MARCHF6: variants seen among roughly 807,000 people sequenced by gnomAD.
MARCHF6 encodes the protein E3 ubiquitin-protein ligase MARCHF6.
In MARCHF6, 31 loss-of-function variants were observed where a neutral mutation model predicts 133.7. The observed-to-expected ratio is 0.23, with a 90% confidence interval of 0.17 to 0.31. The LOEUF is 0.31. Ranked by LOEUF, MARCHF6 falls within the 10% of genes least tolerant of loss-of-function variation. The probability of loss-of-function intolerance (pLI) is 1.00; values close to 1 mark genes in which losing one functional copy is unlikely to be tolerated. For missense variants in MARCHF6, 723 were observed against 1,121.6 expected (o/e 0.64, Z 5.08); for synonymous variants, 395 against 402.5 (o/e 0.98, Z 0.22).
At chr5:10,426,736 C>T (rs1480109625) in intron 24 of MARCHF6, among the ~76,000 whole-genome samples, 6 of 152,184 alleles carry the variant, frequency 3.9e-5, no homozygotes, top group Admixed American at 2.0e-4. Context: ...GTTCTTTTCT[C>T]TACCAGAAGA....
chr5:10,364,755 C>G (rs931617637), intron 1 of MARCHF6, among the ~76,000 whole-genome samples: 1 of 152,156 alleles, frequency 6.6e-6, no homozygotes, highest in Admixed American at 6.5e-5. Context: ...GCTGCAACTG[C>G]TGGTTTTTAG....
intron 1 of MARCHF6, among the ~76,000 whole-genome samples, chr5:10,376,096 G>A (rs1243529841): frequency 1.3e-5 from 2 of 152,146 alleles, no homozygotes; most frequent in South Asian, 2.1e-4. Context: ...GCAGGCTGCC[G>A]GAGCCAGCAG....
rs970618658 is a variant in MARCHF6, at chr5:10,355,117, A to G, written c.19+1200A>G. On this transcript the variant is annotated intron_variant, in intron 1 of 25. Coordinates refer to ENST00000274140, the MANE Select transcript of MARCHF6 (RefSeq NM_005885.4). ...TAGCTTGTCGAAGCTTTACACAGGT[A>G]GTAAGAGGCAGATTTGAACCTAGGC... Among the ~76,000 whole-genome samples the G allele has an allele frequency of 5.3e-5, 8 of 152,354 alleles. 1 individual carries two copies. The highest frequency in any genetic ancestry group is 4.6e-4 in the Admixed American group (7 of 15,302).
At chr5:10,433,010 C>T (rs1274880694) in intron 25 of MARCHF6, among the ~76,000 whole-genome samples, 1 of 149,398 alleles carries the variant, frequency 6.7e-6, no homozygotes, top group East Asian at 2.0e-4. Flanking sequence ...TTCAGCAGTT[C>T]TTCTGCCTCA....
chr5:10,411,972 C>A (rs771825499), intron 19 of MARCHF6, among the ~76,000 whole-genome samples: 1 of 152,168 alleles, frequency 6.6e-6, no homozygotes. Flanking sequence ...AGTGATCAAT[C>A]TTTGTGCACC....
In MARCHF6 at chr5:10,390,316, C is replaced by T; in HGVS notation, c.408-16C>T. 3 of 1,433,040 alleles carry T rather than the reference C, an allele frequency of 2.1e-6. No individual in the cohort carries two copies. The highest frequency in any genetic ancestry group is 5.1e-5 in the East Asian group (2 of 39,304). The allele number at this position is 1,433,040 out of a possible 1,614,324, so 88.8% of individuals were successfully genotyped here. On this transcript the variant is annotated splice_polypyrimidine_tract_variant and intron_variant, in intron 5 of 25. Coordinates refer to ENST00000274140, the MANE Select transcript of MARCHF6 (RefSeq NM_005885.4). The stretch of plus-strand genomic sequence containing the variant: ...GTCTTCTTTGGAGTAATTATATGTA[C>T]TTTTTTTTTTAATAGGGAAAATTTG...
intron 7 of MARCHF6, among the ~76,000 whole-genome samples, chr5:10,393,553 T>C (rs904445141): frequency 6.6e-6 from 1 of 152,214 alleles, no homozygotes; most frequent in Non-Finnish European, 1.5e-5. Context: ...GTTATTTCTC[T>C]CTCTTGATCT....
intron 1 of MARCHF6, among the ~76,000 whole-genome samples, chr5:10,355,074 T>A (rs1250290131): frequency 6.6e-6 from 1 of 152,236 alleles, no homozygotes; most frequent in Non-Finnish European, 1.5e-5. Context: ...TGTGGAAATG[T>A]AGGCTTCGTT....
At position 10,387,137 on chromosome 5, in the gene MARCHF6, T is replaced by C. The variant is rs1579560596; in HGVS notation, c.407+71T>C. On this transcript the variant is annotated intron_variant, in intron 5 of 25. Coordinates refer to ENST00000274140, the MANE Select transcript of MARCHF6 (RefSeq NM_005885.4). ...GCTTGCTTTTTTCCTTGCATATTTA[T>C]TTTATTATAATTTGTAAATTCTTTT... 9.8e-6 allele frequency: 11 copies of C among 1,126,192 alleles called. No individual in the cohort carries two copies. The East Asian group carries it at 2.7e-4, about 28-fold the overall frequency. 69.8% of individuals were successfully genotyped at this position (1,126,192 alleles called of 1,614,324 possible).
At chr5:10,356,768 C>T (rs934280421) in intron 1 of MARCHF6, among the ~76,000 whole-genome samples, 4 of 152,050 alleles carry the variant, frequency 2.6e-5, no homozygotes, top group Non-Finnish European at 4.4e-5. Context: ...ACACATCAAC[C>T]GTGCGTATAG....
intron 1 of MARCHF6, among the ~76,000 whole-genome samples, chr5:10,366,794 A>G (rs965148153): frequency 5.9e-5 from 9 of 152,118 alleles, no homozygotes; most frequent in Admixed American, 5.9e-4. Flanking sequence ...ACCTAATCAC[A>G]AGAAACTGAG....
intron 1 of MARCHF6, among the ~76,000 whole-genome samples, chr5:10,367,375 G>A (rs1736198388): frequency 1.3e-5 from 2 of 152,136 alleles, no homozygotes; most frequent in South Asian, 2.1e-4. Flanking sequence ...TGTGTGCTGG[G>A]TATATGGGAA....
In MARCHF6 at chr5:10,436,744, C is replaced by G. The variant is rs1357005931; in HGVS notation, c.*3060C>G. On this transcript the variant is annotated 3_prime_UTR_variant, in exon 26 of 26. Transcript: ENST00000274140. ...TGAGATGAAAACTGAAGAAAAATGCCAATGTGACGTTTGTGTATAGCTAGC... is the reference window on the plus strand; with the variant it reads ...TGAGATGAAAACTGAAGAAAAATGCGAATGTGACGTTTGTGTATAGCTAGC... The G allele has an allele frequency of 6.6e-6, 1 of 152,082 alleles. No individual in the cohort carries two copies. Among genetic ancestry groups the G allele is most frequent in the Non-Finnish European group, 1.5e-5 (1 of 68,020 alleles). The allele number at this position is 152,082 out of a possible 1,614,324, so 9.4% of individuals were successfully genotyped here.
At chr5:10,373,304 A>G (rs943654121) in intron 1 of MARCHF6, among the ~76,000 whole-genome samples, 3 of 152,082 alleles carry the variant, frequency 2.0e-5, no homozygotes, top group Non-Finnish European at 4.4e-5. Flanking sequence ...GTGTGTGTCT[A>G]CATCCTTCTA....
chr5:10,433,531 C>A, intron 25 of MARCHF6, 63 bp from the exon 26 acceptor site: 1 of 1,228,156 alleles, frequency 8.1e-7, no homozygotes, highest in Non-Finnish European at 1.2e-6. Context: ...TTTAAAAAGA[C>A]ATATGAATGT....
rs573207149 is a variant in MARCHF6 at position 10,436,753 on chromosome 5, G to A, written c.*3069G>A. On this transcript the variant is annotated 3_prime_UTR_variant, in exon 26 of 26. Transcript: ENST00000274140. ...AACTGAAGAAAAATGCCAATGTGAC[G>A]TTTGTGTATAGCTAGCCTTAAAAAA... 57 of 152,220 alleles carry A rather than the reference G, an allele frequency of 3.7e-4. No individual in the cohort carries two copies. Among genetic ancestry groups the A allele is most frequent in the African/African-American group, 1.3e-3 (53 of 41,542 alleles). 9.4% of individuals were successfully genotyped at this position (152,220 alleles called of 1,614,324 possible).
rs1054197891 is a variant in MARCHF6 at position 10,353,757 on chromosome 5, C to T, written c.-142C>T. The T allele has an allele frequency of 1.2e-5, 8 of 669,760 alleles. No homozygotes were observed. The highest frequency in any genetic ancestry group is 2.1e-5 in the Non-Finnish European group (8 of 385,436). 41.5% of individuals were successfully genotyped at this position (669,760 alleles called of 1,614,324 possible). A position where few individuals can be genotyped will look rare whatever the true frequency, so the allele number is the denominator to read the frequency against. ...GTCAGCCTCTCTCCCTCTCCCTCTC[C>T]CCTCTCCTTCCTCTCGCTTCCTCTC... On this transcript the variant is annotated 5_prime_UTR_variant, in exon 1 of 26. Transcript: ENST00000274140.
At position 10,438,636 on chromosome 5, in the gene MARCHF6, T is replaced by A. The variant is rs1290714675; in HGVS notation, c.*4952T>A. 6.6e-6 allele frequency: 1 copy of A among 152,248 alleles called. No homozygotes were observed. The highest frequency in any genetic ancestry group is 1.9e-4 in the East Asian group (1 of 5,204). 9.4% of individuals were successfully genotyped at this position (152,248 alleles called of 1,614,324 possible). A position where few individuals can be genotyped will look rare whatever the true frequency, so the allele number is the denominator to read the frequency against. On this transcript the variant is annotated 3_prime_UTR_variant, in exon 26 of 26. Transcript: ENST00000274140. ...TCCTCCATGTTTTTATTTTGGTGTC[T>A]GTTTTGTTTCTAGCACTGTATTTAG...
intron 22 of MARCHF6, chr5:10,422,152 AAG>A (rs931506708): frequency 6.6e-5 from 10 of 152,362 alleles, no homozygotes; most frequent in Admixed American, 6.5e-4. Context: ...GTAGTGAAAA[AAG>A]ATGTGGACAG....
Sources: allele counts gnomAD v4.1 joint callset (sites outside exome capture counted in the v4.1 genomes callset), GRCh38; gene constraint gnomAD v4.1.1; transcripts MANE v1.5; gene names NCBI Gene and HGNC (gene_info 2026-07-23, HGNC 2026-07-21).